The following POLR2F variants were observed in gnomAD, a reference collection of about 807,000 sequenced individuals.
POLR2F encodes the protein RNA polymerase II, I and III subunit F.
A neutral mutation model predicts 22.7 loss-of-function variants in POLR2F; 12 were observed. The observed-to-expected ratio is 0.53, with a 90% CI of 0.34 to 0.86. The LOEUF (loss-of-function observed/expected upper bound fraction) is 0.86, where lower values mean the gene tolerates loss of function less well. Among genes scored for constraint, POLR2F ranks in the 40% least tolerant of loss-of-function variants. The pLI is 0.02. For synonymous variants in POLR2F, 57 were observed against 66.0 expected (o/e 0.86, Z 0.66); for missense variants, 126 against 171.5 (o/e 0.73, Z 1.48).
At chr22:37,982,953 C>T (rs1932446849), upstream of POLR2F, among the ~76,000 whole-genome samples, 1 of 152,228 alleles carries the variant, frequency 6.6e-6, no homozygotes. Flanking sequence ...CCTGAATCTC[C>T]AGCCAACCCT....
intron 1 of POLR2F, among the ~76,000 whole-genome samples, chr22:38,020,204 T>TAC (rs1336670749): frequency 1.3e-3 from 120 of 91,056 alleles, no homozygotes; most frequent in Middle Eastern, 5.3e-3. Context: ...CACACACATA[T>TAC]ATACACACAC....
At chr22:37,973,804 C>T (rs1932135516), downstream of POLR2F, 2 of 1,596,730 alleles carry the variant, frequency 1.3e-6, no homozygotes, top group Non-Finnish European at 1.7e-6. Context: ...GTGGGGGCCC[C>T]TGGGGCCCCG....
intron 1 of POLR2F, among the ~76,000 whole-genome samples, chr22:38,014,957 G>A (rs954466686): frequency 6.7e-5 from 10 of 149,886 alleles, no homozygotes; most frequent in African/African-American, 2.2e-4. Context: ...ACAGGTGTCC[G>A]CCACCACGCC....
chr22:38,020,208 C>T (rs868631730), intron 1 of POLR2F, among the ~76,000 whole-genome samples: 10 of 128,560 alleles, frequency 7.8e-5, no homozygotes, highest in African/African-American at 1.0e-4. Context: ...CACATATATA[C>T]ACACACACAC....
chr22:37,990,548 C>T (rs1434278181), intron 1 of POLR2F, among the ~76,000 whole-genome samples: 1 of 152,280 alleles, frequency 6.6e-6, no homozygotes, highest in East Asian at 1.9e-4. Context: ...GTGCAGGGCA[C>T]TGGGCCAGGA....
intron 1 of POLR2F, among the ~76,000 whole-genome samples, chr22:38,003,182 G>C (rs1454326673): frequency 6.6e-6 from 1 of 152,096 alleles, no homozygotes; most frequent in African/African-American, 2.4e-5. Flanking sequence ...ACTCTAGAAA[G>C]TTTGGTAGAG....
chr22:37,992,930 A>T (rs1932752685), intron 1 of POLR2F, among the ~76,000 whole-genome samples: 1 of 152,178 alleles, frequency 6.6e-6, no homozygotes, highest in Admixed American at 6.5e-5. Context: ...GACCTACCCT[A>T]GGCAAGCTCC....
intron 1 of POLR2F, among the ~76,000 whole-genome samples, chr22:38,014,437 G>C (rs1251218315): frequency 6.7e-6 from 1 of 149,346 alleles, no homozygotes; most frequent in African/African-American, 2.5e-5. Context: ...CACAACTTCT[G>C]CCTCCTGGGT....
intron 1 of POLR2F, among the ~76,000 whole-genome samples, chr22:38,014,811 T>G (rs1487163796): frequency 6.9e-6 from 1 of 144,322 alleles, no homozygotes; most frequent in Non-Finnish European, 1.5e-5. Context: ...TTTGTATTTT[T>G]TTTTTTTTTT....
intron 4 of POLR2F, among the ~76,000 whole-genome samples, chr22:37,977,182 AAAG>A (rs1259354179): frequency 6.6e-6 from 1 of 151,118 alleles, no homozygotes; most frequent in Non-Finnish European, 1.5e-5. Flanking sequence ...AAAAAAAAAA[AAAG>A]AATGGCTGGT....
chr22:38,029,200 G>C (rs1467817613), downstream of POLR2F, among the ~76,000 whole-genome samples: 1 of 152,112 alleles, frequency 6.6e-6, no homozygotes, highest in African/African-American at 2.4e-5. Context: ...ATAAGGAGTG[G>C]GGCATATCAC....
At chr22:38,004,188 C>T (rs2084800467) in intron 1 of POLR2F, among the ~76,000 whole-genome samples, 3 of 149,014 alleles carry the variant, frequency 2.0e-5, no homozygotes, top group African/African-American at 7.5e-5. Context: ...TGGGGGGGGT[C>T]TCACTATATT....
At chr22:37,983,946 C>T (rs1444952889), upstream of POLR2F, 2 of 450,926 alleles carry the variant, frequency 4.4e-6, no homozygotes, top group Non-Finnish European at 7.1e-6. This position sits in a 1 kb window ranked among gnomAD's most constrained non-coding sequence, Gnocchi z 9.5. Flanking sequence ...TGGGCACAGC[C>T]CCGAGGTGGC....
intron 3 of POLR2F, among the ~76,000 whole-genome samples, chr22:37,962,091 T>C (rs1246194971): frequency 6.6e-6 from 1 of 151,660 alleles, no homozygotes; most frequent in Non-Finnish European, 1.5e-5. Context: ...ATTAGCTGAG[T>C]GTGGTGGCGT....
At chr22:37,977,488 T>G (rs887983486) in intron 4 of POLR2F, among the ~76,000 whole-genome samples, 2 of 151,020 alleles carry the variant, frequency 1.3e-5, no homozygotes, top group East Asian at 4.0e-4. Context: ...GCCCAGCTAA[T>G]TTTTTTTATT....
chr22:37,983,794 G>GGCCGCC (rs762578400), upstream of POLR2F: 81 of 1,419,892 alleles, frequency 5.7e-5, no homozygotes, highest in East Asian at 9.8e-5. This position sits in a 1 kb window ranked among gnomAD's most constrained non-coding sequence, Gnocchi z 9.5. Context: ...TGTCGCCCCC[G>GGCCGCC]GCCGCCGCCG....
intron 1 of POLR2F, among the ~76,000 whole-genome samples, chr22:38,019,227 G>C (rs1470852339): frequency 1.3e-5 from 2 of 152,036 alleles, no homozygotes; most frequent in Non-Finnish European, 1.5e-5. Context: ...GTCAGAGTAG[G>C]GGTAAGATGA....
intron 1 of POLR2F, among the ~76,000 whole-genome samples, chr22:37,956,435 G>A (rs1016327618): frequency 2.2e-4 from 32 of 143,240 alleles, no homozygotes; most frequent in African/African-American, 8.4e-4. Flanking sequence ...TATTTATTTT[G>A]AGACAGGTTC....
At chr22:37,994,957 C>A (rs953680734) in intron 1 of POLR2F, among the ~76,000 whole-genome samples, 1 of 152,158 alleles carries the variant, frequency 6.6e-6, no homozygotes, top group Non-Finnish European at 1.5e-5. Flanking sequence ...TTATATTTAC[C>A]TCACCTCTCT....
Sources: gnomAD v4.1 joint callset for allele counts (sites outside exome capture counted in the v4.1 genomes callset) on GRCh38, gnomAD v4.1.1 for gene constraint, Gnocchi (gnomAD v3.1) non-coding constraint, MANE v1.5 for transcripts, NCBI Gene and HGNC (gene_info 2026-07-23, HGNC 2026-07-21) for gene names.